Variants in AHCYL2 observed in about 807,000 individuals in gnomAD.
The protein encoded by AHCYL2 is S-adenosylhomocysteine hydrolase-like protein 2.
AHCYL2 carries 28 observed loss-of-function variants against 81.4 expected under a neutral mutation model. The ratio of observed to expected loss-of-function variants is 0.34; its 90% CI spans 0.25 to 0.47. The LOEUF is 0.47. Among genes scored for constraint, AHCYL2 ranks in the 20% least tolerant of loss-of-function variants. The pLI is 1.00. For missense variants in AHCYL2, 551 were observed against 785.1 expected, an observed-to-expected ratio of 0.70 and a Z score of 3.56; for synonymous variants, 272 against 290.2, an observed-to-expected ratio of 0.94 and a Z score of 0.64.
chr7:129,274,042 T>C (rs1249585382), intron 1 of AHCYL2, among the ~76,000 whole-genome samples: 1 of 151,972 alleles, frequency 6.6e-6, no homozygotes, highest in African/African-American at 2.4e-5. Flanking sequence ...GAGCCAAGGG[T>C]TGTGGAGAGT....
At chr7:129,249,097 A>G (rs1234306223) in intron 1 of AHCYL2, among the ~76,000 whole-genome samples, 1 of 148,604 alleles carries the variant, frequency 6.7e-6, no homozygotes, top group Non-Finnish European at 1.5e-5. Context: ...TCCTGGGCTC[A>G]GGTGATCCTC....
intron 1 of AHCYL2, among the ~76,000 whole-genome samples, chr7:129,369,972 G>A (rs1400449982): frequency 6.6e-6 from 1 of 152,108 alleles, no homozygotes; most frequent in African/African-American, 2.4e-5. Context: ...ATTGGGTTGA[G>A]TTTTTTTGAA....
At chr7:129,407,906 T>A (rs191488518) in intron 10 of AHCYL2, among the ~76,000 whole-genome samples, 4 of 152,234 alleles carry the variant, frequency 2.6e-5, no homozygotes, top group African/African-American at 9.6e-5. Context: ...AGTCTTGACA[T>A]TTGTATAGGT....
At chr7:129,247,821 T>G (rs190056546) in intron 1 of AHCYL2, among the ~76,000 whole-genome samples, 16 of 152,280 alleles carry the variant, frequency 1.1e-4, no homozygotes, top group African/African-American at 3.6e-4. Context: ...AGGCTGGTCT[T>G]GAACTCCTGG....
intron 1 of AHCYL2, among the ~76,000 whole-genome samples, chr7:129,322,513 AT>A (rs1798075775): frequency 1.3e-5 from 2 of 152,340 alleles, no homozygotes; most frequent in Admixed American, 1.3e-4. Flanking sequence ...AGCTATTTAG[AT>A]TTACTCTTGA....
chr7:129,256,559 C>CCT (rs1384537141), intron 1 of AHCYL2, among the ~76,000 whole-genome samples: 3 of 138,312 alleles, frequency 2.2e-5, no homozygotes, highest in African/African-American at 5.4e-5. Context: ...ACCCCCCCCC[C>CCT]GCCTTAATCT....
At chr7:129,385,017 C>T (rs1188024078) in intron 2 of AHCYL2, among the ~76,000 whole-genome samples, 1 of 152,106 alleles carries the variant, frequency 6.6e-6, no homozygotes, top group Non-Finnish European at 1.5e-5. Context: ...TTAATCAGAC[C>T]GTTCTCAGTG....
chr7:129,307,663 C>T (rs1797490691), intron 1 of AHCYL2, among the ~76,000 whole-genome samples: 1 of 151,812 alleles, frequency 6.6e-6, no homozygotes, highest in Non-Finnish European at 1.5e-5. Context: ...CTCCATTTCT[C>T]AAGCAGAAGG....
At chr7:129,321,523 ATAT>A (rs1356874293) in intron 1 of AHCYL2, among the ~76,000 whole-genome samples, 7 of 152,120 alleles carry the variant, frequency 4.6e-5, no homozygotes, top group Non-Finnish European at 5.9e-5. Context: ...CTTGGTTGTG[ATAT>A]TATTCTTTTC....
In AHCYL2 at chr7:129,405,194, C is replaced by T. The variant is rs748711174; in HGVS notation, c.1123C>T (p.Arg375Cys). The change falls in exon 8 of 17, where the codon CGT (arginine) becomes TGT (cysteine). Residue 375 changes from arginine (R) to cysteine (C), a missense_variant. By Grantham distance (180) the Arg-to-Cys change is radical. Around this residue, in one of 2 missense-constraint regions of AHCYL2, gnomAD observed 316 missense variants for 543.1 expected, o/e 0.58. Transcript: ENST00000325006. ...KQKFDNLYCCRESILDGLKRT... is the reference protein window; with the variant it reads ...KQKFDNLYCCCESILDGLKRT... ...GAAATTTGACAACCTCTACTGTTGC[C>T]GTGAATCAATTCTTGATGGGTAATG... is the stretch of plus-strand genomic sequence containing the variant. 2.5e-6 allele frequency: 4 copies of T among 1,604,136 alleles called. No homozygotes were observed. The highest frequency in any genetic ancestry group is 3.4e-6 in the Non-Finnish European group (4 of 1,175,026).
chr7:129,401,357 T>A (rs1048989077), intron 6 of AHCYL2, among the ~76,000 whole-genome samples: 2 of 133,914 alleles, frequency 1.5e-5, no homozygotes, highest in African/African-American at 2.7e-5. Flanking sequence ...CCAAAAAAGC[T>A]ACACAAAGTA....
chr7:129,263,882 CCT>C (rs1166755091), intron 1 of AHCYL2, among the ~76,000 whole-genome samples: 1 of 152,140 alleles, frequency 6.6e-6, no homozygotes, highest in Non-Finnish European at 1.5e-5. Flanking sequence ...TTTAGAGTTA[CCT>C]CTGAGTCCTG....
chr7:129,327,615 G>A (rs943835919), intron 1 of AHCYL2, among the ~76,000 whole-genome samples: 1 of 151,698 alleles, frequency 6.6e-6, no homozygotes, highest in East Asian at 1.9e-4. Context: ...ATAGGTGCCC[G>A]CCACCTTGCC....
chr7:129,296,446 C>T (rs1046483581), intron 1 of AHCYL2, among the ~76,000 whole-genome samples: 2 of 152,288 alleles, frequency 1.3e-5, no homozygotes, highest in Admixed American at 6.5e-5. Context: ...TGGTGGCTCA[C>T]GCCTATAATC....
chr7:129,299,986 A>T (rs1023235550), intron 1 of AHCYL2, among the ~76,000 whole-genome samples: 107 of 152,198 alleles, frequency 7.0e-4, no homozygotes, highest in African/African-American at 2.3e-3. Flanking sequence ...AACTTGAAAA[A>T]TTTTTTTATT....
At position 129,225,259 on chromosome 7, in the gene AHCYL2, G is replaced by A. The variant is rs1423396048; in HGVS notation, c.183G>A (p.Pro61=). 4.1e-6 allele frequency: 6 copies of A among 1,456,550 alleles called. No homozygotes were observed. Among genetic ancestry groups the A allele is most frequent in the Admixed American group, 2.7e-5 (1 of 37,540 alleles). The allele number at this position is 1,456,550 out of a possible 1,614,324, so 90.2% of individuals were successfully genotyped here. A position where few individuals can be genotyped will look rare whatever the true frequency, so the allele number is the denominator to read the frequency against. Residue 61 remains proline, a synonymous_variant, in exon 1 of 17, where the codon CCG becomes CCA. Transcript: ENST00000325006. ...CAGCTCCCGCCGCGGAGCGGCCCCC[G>A]GTCCCCGGCCCGGGCTCGGGGCCCG... ...EAPAPAAERP[P]VPGPGSGPAA... is the part of the protein sequence containing the mutation.
chr7:129,354,650 G>T (rs1793677377), intron 1 of AHCYL2, among the ~76,000 whole-genome samples: 4 of 152,184 alleles, frequency 2.6e-5, no homozygotes. Context: ...ACCGAACATA[G>T]ACTCTGGTTA....
intron 1 of AHCYL2, among the ~76,000 whole-genome samples, chr7:129,319,524 A>G (rs1227618675): frequency 6.6e-6 from 1 of 152,152 alleles, no homozygotes; most frequent in Non-Finnish European, 1.5e-5. Context: ...AACTACTCAG[A>G]GATACTATTT....
intron 1 of AHCYL2, among the ~76,000 whole-genome samples, chr7:129,227,702 T>C (rs1020582330): frequency 5.3e-5 from 8 of 152,092 alleles, no homozygotes; most frequent in Non-Finnish European, 8.8e-5. Flanking sequence ...TTGACCACTT[T>C]CCTTGTCGTT....
Sources: allele counts gnomAD v4.1 joint callset (sites outside exome capture counted in the v4.1 genomes callset), GRCh38; gene constraint gnomAD v4.1.1; regional missense constraint gnomAD v4.1.1; transcripts MANE v1.5; gene names NCBI Gene and HGNC (gene_info 2026-07-23, HGNC 2026-07-21).